Variants in DLG2 observed in about 807,000 individuals in gnomAD.
DLG2 encodes discs large MAGUK scaffold protein 2, also known as disks large homolog 2.
A neutral mutation model predicts 132.5 loss-of-function variants in DLG2; 45 were observed. The observed-to-expected ratio is 0.34, with a 90% confidence interval of 0.27 to 0.44. The LOEUF (loss-of-function observed/expected upper bound fraction) is 0.44, where lower values mean the gene tolerates loss of function less well. DLG2 is among the 20% of genes least tolerant of loss of function. The pLI is 1.00. For missense variants in DLG2, 1,045 were observed against 1,196.9 expected (o/e 0.87, Z 1.87); for synonymous variants, 424 against 419.6 (o/e 1.01, Z -0.13).
chr11:83,568,598 G>A (rs1266571817), intron 19 of DLG2, among the ~76,000 whole-genome samples: 2 of 152,128 alleles, frequency 1.3e-5, no homozygotes, highest in East Asian at 3.9e-4. Context: ...GAGGAAGAGG[G>A]AAGAGTCATC....
intron 3 of DLG2, among the ~76,000 whole-genome samples, chr11:85,579,075 T>A (rs1185843155): frequency 2.0e-5 from 3 of 152,266 alleles, no homozygotes; most frequent in Non-Finnish European, 2.9e-5. Context: ...GATTATGTCC[T>A]TTGCAGGAAC....
intron 3 of DLG2, among the ~76,000 whole-genome samples, chr11:85,465,267 C>G (rs1426309138): frequency 1.3e-5 from 2 of 151,466 alleles, no homozygotes; most frequent in East Asian, 3.9e-4. Context: ...CTCAGCCTCC[C>G]AAGTAGCTGT....
intron 8 of DLG2, among the ~76,000 whole-genome samples, chr11:84,221,033 G>A (rs2096908758): frequency 1.3e-5 from 2 of 150,972 alleles, no homozygotes; most frequent in South Asian, 4.2e-4. Context: ...TGAACTCCTG[G>A]GCTGAAGTGA....
intron 6 of DLG2, among the ~76,000 whole-genome samples, chr11:84,705,977 C>T (rs1455988588): frequency 1.3e-5 from 2 of 151,752 alleles, no homozygotes; most frequent in African/African-American, 4.8e-5. Context: ...TCTGACACCT[C>T]ATGATATTTA....
chr11:83,511,087 G>GACACACACACACAC (rs60156321), intron 21 of DLG2, among the ~76,000 whole-genome samples: 9,873 of 138,400 alleles, frequency 0.071, 423 homozygotes, highest in Middle Eastern at 0.1. Context: ...CACACACACA[G>GACACACACACACAC]ACACACACAC....
chr11:84,827,155 A>T (rs1435163145), intron 6 of DLG2, among the ~76,000 whole-genome samples: 1 of 151,790 alleles, frequency 6.6e-6, no homozygotes, highest in Middle Eastern at 3.2e-3. Flanking sequence ...ACAAGTAAGG[A>T]GTGACCATAT....
intron 7 of DLG2, among the ~76,000 whole-genome samples, chr11:84,300,666 A>G (rs1399522121): frequency 6.6e-6 from 1 of 152,224 alleles, no homozygotes; most frequent in Non-Finnish European, 1.5e-5. Context: ...CAGGTATTAT[A>G]GAAGACATCA....
At chr11:84,973,781 T>A (rs2054459668) in intron 6 of DLG2, among the ~76,000 whole-genome samples, 1 of 152,182 alleles carries the variant, frequency 6.6e-6, no homozygotes, top group Non-Finnish European at 1.5e-5. Context: ...TAGTACAAAG[T>A]GGCCATACAT....
rs1038591724 is a variant in DLG2, at chr11:85,467,440, G to A, written c.40+131217C>T. On this transcript the variant is annotated intron_variant, in intron 3 of 27. Coordinates refer to ENST00000376104, the MANE Select transcript of DLG2 (RefSeq NM_001142699.3). Reference sequence around the variant, plus strand: ...TTGCCCATTCAGTATGATACTGGCTGTGGGTTTGTCATAGATATCTCTTAT... The same window carrying A: ...TTGCCCATTCAGTATGATACTGGCTATGGGTTTGTCATAGATATCTCTTAT... Among the ~76,000 whole-genome samples, 4 of 152,296 alleles carry A rather than the reference G, an allele frequency of 2.6e-5. No homozygotes were observed. In the East Asian group the frequency reaches 7.7e-4, roughly 29 times the overall value.
chr11:85,281,480 C>A (rs1054021602), intron 4 of DLG2, among the ~76,000 whole-genome samples: 2 of 151,922 alleles, frequency 1.3e-5, no homozygotes, highest in African/African-American at 4.8e-5. Flanking sequence ...ATAATGAGTT[C>A]AACAGATCCA....
chr11:85,055,842 G>A (rs1368108725), intron 6 of DLG2, among the ~76,000 whole-genome samples: 1 of 152,066 alleles, frequency 6.6e-6, no homozygotes, highest in Non-Finnish European at 1.5e-5. Flanking sequence ...AAGGGTTAAG[G>A]CAGAGATAGG....
rs77411355 is a variant in DLG2, at chr11:84,707,566, T to C, written c.358-172835A>G. 9.1e-3 allele frequency among the ~76,000 whole-genome samples: 1,386 copies of C among 151,934 alleles called. 11 individuals are homozygous for C. The highest frequency in any genetic ancestry group is 0.013 in the African/African-American group (522 of 41,510). ...CCTAACTACATACTCTTATCCATTA[T>C]AAGAGTACAATAGGTTGTATTCCCA... On this transcript the variant is annotated intron_variant, in intron 6 of 27. Transcript: ENST00000376104.
intron 4 of DLG2, among the ~76,000 whole-genome samples, chr11:85,161,687 C>T (rs2078040822): frequency 6.6e-6 from 1 of 152,122 alleles, no homozygotes; most frequent in Non-Finnish European, 1.5e-5. Context: ...TGATTGTGGG[C>T]TCATGCTCAT....
At chr11:84,223,814 C>T (rs1351648926) in intron 8 of DLG2, among the ~76,000 whole-genome samples, 1 of 152,158 alleles carries the variant, frequency 6.6e-6, no homozygotes, top group African/African-American at 2.4e-5. Context: ...CCTCAGCCTC[C>T]CAAAGTTCTG....
chr11:85,385,948 C>G (rs934426282), intron 3 of DLG2, among the ~76,000 whole-genome samples: 3 of 152,166 alleles, frequency 2.0e-5, no homozygotes, highest in Admixed American at 6.5e-5. Flanking sequence ...ACTTTACCCA[C>G]GATTAGTTGA....
intron 6 of DLG2, among the ~76,000 whole-genome samples, chr11:84,599,923 T>C (rs2099571703): frequency 6.6e-6 from 1 of 150,420 alleles, no homozygotes; most frequent in Admixed American, 6.6e-5. Flanking sequence ...TCCCAGCTAC[T>C]TGGGAGGCTG....
intron 7 of DLG2, among the ~76,000 whole-genome samples, chr11:84,341,876 A>G (rs891774979): frequency 2.0e-5 from 3 of 152,206 alleles, no homozygotes; most frequent in African/African-American, 7.2e-5. Flanking sequence ...ACAAAGCACA[A>G]TTTCAAATTA....
rs1217557450 is a variant in DLG2, at chr11:84,540,358, A to AC, written c.358-5628_358-5627insG. Among the ~76,000 whole-genome samples the AC allele has an allele frequency of 1.2e-3, 173 of 150,200 alleles. 2 individuals are homozygous for AC. Among genetic ancestry groups the AC allele is most frequent in the South Asian group, 4.8e-3 (23 of 4,760 alleles). ...ACAAATTTACAAGAAAAAAAAAAAA[A>AC]AACCCCATCAAAAAGTGGGCAAAGG... On this transcript the variant is annotated intron_variant, in intron 6 of 27. Transcript: ENST00000376104.
chr11:83,963,413 C>T (rs924466824), intron 13 of DLG2, among the ~76,000 whole-genome samples: 1 of 151,952 alleles, frequency 6.6e-6, no homozygotes, highest in African/African-American at 2.4e-5. Flanking sequence ...TAAAAGCCTC[C>T]TAAGGATCAG....
Sources: allele counts gnomAD v4.1 joint callset (sites outside exome capture counted in the v4.1 genomes callset), GRCh38; gene constraint gnomAD v4.1.1; transcripts MANE v1.5; gene names NCBI Gene and HGNC (gene_info 2026-07-23, HGNC 2026-07-21).